CEL: variants seen among roughly 807,000 people sequenced by gnomAD.
CEL encodes bile salt-activated lipase.
CEL carries 39 observed loss-of-function variants against 57.1 expected under a neutral mutation model. That is an observed-to-expected ratio of 0.68 (90% CI 0.53 to 0.89). The LOEUF (loss-of-function observed/expected upper bound fraction) is 0.89, where lower values mean the gene tolerates loss of function less well. Ranked by LOEUF, CEL falls within the 40% of genes least tolerant of loss-of-function variation. The pLI, the probability that CEL is intolerant of heterozygous loss-of-function variation, is 0.00. For synonymous variants in CEL, 314 were observed against 396.6 expected (o/e 0.79, Z 2.48); for missense variants, 698 against 915.0 (o/e 0.76, Z 3.06).
intron 10 of CEL, 46 bp downstream of exon 10, chr9:133,070,704 G>T: frequency 2.5e-6 from 4 of 1,613,046 alleles, no homozygotes; most frequent in Non-Finnish European, 3.4e-6. Context: ...AGCCGAGAAG[G>T]GCCTCCCACC....
Position 133,066,298 on chromosome 9 carries a change from C to T in CEL, c.539-232C>T, listed in dbSNP as rs1313239169. Among the ~76,000 whole-genome samples, 3 of 152,054 alleles carry T rather than the reference C, an allele frequency of 2.0e-5. No individual in the cohort carries two copies. The highest frequency in any genetic ancestry group is 6.5e-5 in the Admixed American group (1 of 15,278). On this transcript the variant is annotated intron_variant, in intron 4 of 10. Coordinates refer to ENST00000372080, the MANE Select transcript of CEL (RefSeq NM_001807.6). This position sits in a 1 kb window ranked among gnomAD's most constrained non-coding sequence, Gnocchi z 4.3. ...TACAGCACCGCACCCGACTCAGCCT[C>T]CTGGGGACCCACCCACTCCAGCAAC...
intron 1 of CEL, among the ~76,000 whole-genome samples, chr9:133,063,921 C>T (rs1476627575): frequency 1.3e-5 from 2 of 152,130 alleles, no homozygotes; most frequent in Non-Finnish European, 2.9e-5. Flanking sequence ...GAAAAGCAGG[C>T]CCCACCCCTC....
In CEL at chr9:133,071,715, C is replaced by T. The variant is rs764851767; in HGVS notation, c.2213C>T (p.Pro738Leu). 1 of 1,612,412 alleles carries T rather than the reference C, an allele frequency of 6.2e-7. No individual in the cohort carries two copies. Among genetic ancestry groups the T allele is most frequent in the South Asian group, 1.1e-5 (1 of 91,062 alleles). ...GACTCTGAGGCTGCCCCTGTGCCCCCCACAGATGACTCCAAGGAAGCTCAG... is the reference window on the plus strand; with the variant it reads ...GACTCTGAGGCTGCCCCTGTGCCCCTCACAGATGACTCCAAGGAAGCTCAG... Reference protein sequence around the residue: ...TGDSEAAPVPPTDDSKEAQMP... With the variant: ...TGDSEAAPVPLTDDSKEAQMP... Residue 738 changes from proline (P) to leucine (L), a missense_variant, in exon 11 of 11, where the codon CCC becomes CTC. Coordinates refer to ENST00000372080, the MANE Select transcript of CEL (RefSeq NM_001807.6).
intron 7 of CEL, among the ~76,000 whole-genome samples, chr9:133,068,108 C>T (rs1830209665): frequency 6.6e-6 from 1 of 152,252 alleles, no homozygotes; most frequent in Non-Finnish European, 1.5e-5. Flanking sequence ...CCCCACGGCC[C>T]CGCTAGAAGC....
At chr9:133,065,988 AGCCTGG>A (rs1168541493) in intron 4 of CEL, among the ~76,000 whole-genome samples, 1 of 152,142 alleles carries the variant, frequency 6.6e-6, no homozygotes, top group Non-Finnish European at 1.5e-5. Context: ...ACTGCACTCC[AGCCTGG>A]GCGACAGAGT....
In CEL at chr9:133,067,219, C is replaced by G. The variant is rs567714650; in HGVS notation, c.895+14C>G. The G allele has an allele frequency of 5.0e-6, 8 of 1,610,864 alleles. No homozygotes were observed. The Admixed American group carries it at 8.3e-5, about 17-fold the overall frequency. ...CAGGCCTGGAGTGTGAGTAGCTGCT[C>G]GGGTTGGCCCATGGGGTCTCGAGGT... On this transcript the variant is annotated intron_variant, in intron 7 of 10. Transcript: ENST00000372080.
rs550666521 is a variant in CEL at position 133,069,927 on chromosome 9, C to T, written c.1287-534C>T. Among the ~76,000 whole-genome samples the T allele has an allele frequency of 1.1e-4, 17 of 152,090 alleles. No homozygotes were observed. The East Asian group carries it at 1.5e-3, about 14-fold the overall frequency. On this transcript the variant is annotated intron_variant, in intron 9 of 10. Coordinates refer to ENST00000372080, the MANE Select transcript of CEL (RefSeq NM_001807.6). ...TGGAGGTTGCAGTGAGCCGAGATTA[C>T]GCCACTGCACTCCAGCAGGGGCAAC...
Position 133,067,155 on chromosome 9 carries a change from A to T in CEL, c.845A>T (p.Asp282Val). ...ARMAQCLKVT[D>V]PRALTLAYKV... is the part of the protein sequence containing the mutation. ...ATGGCCCAGTGTCTGAAGGTTACTG[A>T]TCCCCGAGCCCTGACGCTGGCCTAT... is the stretch of plus-strand genomic sequence containing the variant. The change falls in exon 7 of 11, where the codon GAT becomes GTT. Residue 282 changes from aspartate to valine, a missense_variant. By Grantham distance (152) the Asp-to-Val change is radical. Coordinates refer to ENST00000372080, the MANE Select transcript of CEL (RefSeq NM_001807.6). 6.2e-7 allele frequency: 1 copy of T among 1,613,938 alleles called. No individual in the cohort carries two copies. The highest frequency in any genetic ancestry group is 8.5e-7 in the Non-Finnish European group (1 of 1,179,968).
At position 133,070,550 on chromosome 9, in the gene CEL, T is replaced by G; in HGVS notation, c.1376T>G (p.Ile459Ser). ...KWVGADHADD[I>S]QYVFGKPFAT... ...GTGGGGGCCGACCATGCAGATGACATTCAGTACGTTTTCGGGAAGCCCTTC... is the reference window on the plus strand; with the variant it reads ...GTGGGGGCCGACCATGCAGATGACAGTCAGTACGTTTTCGGGAAGCCCTTC... Residue 459 changes from isoleucine to serine, a missense_variant, in exon 10 of 11, where the codon ATT (isoleucine) becomes AGT (serine). Physicochemically the swap from Ile to Ser is moderately radical, Grantham distance 142. Coordinates refer to ENST00000372080, the MANE Select transcript of CEL (RefSeq NM_001807.6). The G allele has an allele frequency of 6.2e-7, 1 of 1,614,044 alleles. No homozygotes were observed. The highest frequency in any genetic ancestry group is 8.5e-7 in the Non-Finnish European group (1 of 1,180,016).
Position 133,064,522 on chromosome 9 carries a change from T to C in CEL, c.185T>C (p.Leu62Pro), listed in dbSNP as rs775437797. 6.2e-7 allele frequency: 1 copy of C among 1,614,132 alleles called. No homozygotes were observed. Among genetic ancestry groups the C allele is most frequent in the Non-Finnish European group, 8.5e-7 (1 of 1,180,004 alleles). The change falls in exon 2 of 11, where the codon CTG becomes CCG. Residue 62 changes from leucine (L) to proline (P), a missense_variant. This residue lies in a region of CEL where 327 missense variants were observed against 374.1 expected (regional missense o/e 0.87). Transcript: ENST00000372080. ...GIPFAAPTKA[L>P]ENPQPHPGWQ... ...CCCTTCGCAGCTCCCACCAAGGCCC[T>C]GGAAAATCCTCAGCCACATCCTGGC... is the stretch of plus-strand genomic sequence containing the variant.
At chr9:133,065,846 CAAAAAAAA>C (rs34365056) in intron 4 of CEL, among the ~76,000 whole-genome samples, 990 of 75,848 alleles carry the variant, frequency 0.013, 15 homozygotes, top group African/African-American at 0.041. Flanking sequence ...AACTCTGTCT[CAAAAAAAA>C]AAAAAAAAAA....
intron 1 of CEL, among the ~76,000 whole-genome samples, 193 bp from the exon 2 acceptor site, chr9:133,064,211 A>G (rs748987076): frequency 1.9e-4 from 29 of 152,186 alleles, no homozygotes; most frequent in Non-Finnish European, 3.2e-4. Context: ...CCCCAGGGAT[A>G]AGGAGAGGAA....
Position 133,071,716 on chromosome 9 carries a change from C to A in CEL, c.2214C>A (p.Pro738=), listed in dbSNP as rs200355853. 235 of 1,612,410 alleles carry A rather than the reference C, an allele frequency of 1.5e-4. 2 individuals carry two copies. In the African/African-American group the frequency reaches 2.8e-3, roughly 19 times the overall value. The change falls in exon 11 of 11, where the codon CCC becomes CCA. Residue 738 remains proline (P), a synonymous_variant. Transcript: ENST00000372080. ...ACTCTGAGGCTGCCCCTGTGCCCCCCACAGATGACTCCAAGGAAGCTCAGA... is the reference window on the plus strand; with the variant it reads ...ACTCTGAGGCTGCCCCTGTGCCCCCAACAGATGACTCCAAGGAAGCTCAGA... ...TGDSEAAPVP[P]TDDSKEAQMP... is the part of the protein sequence containing the mutation.
Position 133,070,628 on chromosome 9 carries a change from T to C in CEL, c.1454T>C (p.Ile485Thr), listed in dbSNP as rs77696629. ...GACAGGACAGTCTCTAAGGCCATGA[T>C]CGCCTACTGGACCAACTTTGCCAAA... ...PQDRTVSKAMIAYWTNFAKTG... is the reference protein window; with the variant it reads ...PQDRTVSKAMTAYWTNFAKTG... The change falls in exon 10 of 11, where the codon ATC (isoleucine) becomes ACC (threonine). Residue 485 changes from isoleucine to threonine, a missense_variant. Ile to Thr is a moderately conservative substitution (Grantham distance 89, BLOSUM62 -1). This residue lies in a region of CEL where 111 missense variants were observed against 147.3 expected (regional missense o/e 0.75). Coordinates refer to ENST00000372080, the MANE Select transcript of CEL (RefSeq NM_001807.6). The C allele has an allele frequency of 9.1e-3, 13,022 of 1,436,658 alleles. 71 individuals carry two copies. Among genetic ancestry groups the C allele is most frequent in the African/African-American group, 0.033 (1,938 of 58,848 alleles). 89.0% of individuals were successfully genotyped at this position (1,436,658 alleles called of 1,614,324 possible).
chr9:133,070,602 A>G lies in CEL; in HGVS notation c.1428A>G (p.Gln476=), dbSNP rs772066890. 2.5e-6 allele frequency: 4 copies of G among 1,614,150 alleles called. No individual in the cohort carries two copies. The South Asian group carries it at 4.4e-5, about 18-fold the overall frequency. Residue 476 remains glutamine, a synonymous_variant, in exon 10 of 11, where the codon CAA becomes CAG. Coordinates refer to ENST00000372080, the MANE Select transcript of CEL (RefSeq NM_001807.6). ...CCACCCCCACGGGCTACCGGCCCCAAGACAGGACAGTCTCTAAGGCCATGA... is the reference window on the plus strand; with the variant it reads ...CCACCCCCACGGGCTACCGGCCCCAGGACAGGACAGTCTCTAAGGCCATGA... The part of the protein sequence containing the change: ...PFATPTGYRP[Q]DRTVSKAMIA...
chr9:133,064,329 G>T (rs1554732143), intron 1 of CEL, 75 bp from the exon 2 acceptor site: 1 of 1,595,788 alleles, frequency 6.3e-7, no homozygotes, highest in Non-Finnish European at 8.5e-7. Context: ...ACGCGGAGTC[G>T]GCTTGCCTTG....
At chr9:133,065,817 G>GCCTGGA (rs1210744848) in intron 4 of CEL, among the ~76,000 whole-genome samples, 1 of 140,606 alleles carries the variant, frequency 7.1e-6, no homozygotes, top group African/African-American at 2.7e-5. Context: ...CTGCACTCCA[G>GCCTGGA]CCTGGAGAAC....
chr9:133,068,070 C>T (rs1372728468), intron 7 of CEL, among the ~76,000 whole-genome samples: 2 of 152,234 alleles, frequency 1.3e-5, no homozygotes, highest in African/African-American at 4.8e-5. Context: ...CTCAACTGCA[C>T]GGGCTGGACA....
Position 133,071,307 on chromosome 9 carries a change from C to T in CEL, c.1805C>T (p.Pro602Leu). The change falls in exon 11 of 11, where the codon CCC (proline) becomes CTC (leucine). Residue 602 changes from proline (P) to leucine (L), a missense_variant. Coordinates refer to ENST00000372080, the MANE Select transcript of CEL (RefSeq NM_001807.6). ...CCGCCCACGGGTGACTCCGGGGCCC[C>T]CCCCGTGCCGCCCACGGGTGACTCC... The part of the protein sequence containing the change: ...PVPPTGDSGA[P>L]PVPPTGDSGA... The T allele has an allele frequency of 1.9e-6, 1 of 529,866 alleles. No homozygotes were observed. Among genetic ancestry groups the T allele is most frequent in the Non-Finnish European group, 3.2e-6 (1 of 313,010 alleles). The allele number at this position is 529,866 out of a possible 1,614,324, so 32.8% of individuals were successfully genotyped here. A position where few individuals can be genotyped will look rare whatever the true frequency, so the allele number is the denominator to read the frequency against.
Sources: gnomAD v4.1 joint callset for allele counts (sites outside exome capture counted in the v4.1 genomes callset) on GRCh38, gnomAD v4.1.1 for gene constraint, gnomAD v4.1.1 regional missense constraint, Gnocchi (gnomAD v3.1) non-coding constraint, MANE v1.5 for transcripts, NCBI Gene and HGNC (gene_info 2026-07-23, HGNC 2026-07-21) for gene names.